The following MAGI1 variants were observed in gnomAD, a reference collection of about 807,000 sequenced individuals.
The protein encoded by MAGI1 is membrane-associated guanylate kinase, WW and PDZ domain-containing protein 1.
A neutral mutation model predicts 139.9 loss-of-function variants in MAGI1; 58 were observed. The ratio of observed to expected loss-of-function variants is 0.41; its 90% confidence interval spans 0.34 to 0.52. The LOEUF is 0.52. Among genes scored for constraint, MAGI1 ranks in the 20% least tolerant of loss-of-function variants. MAGI1 has a pLI of 0.12. For missense variants in MAGI1, 1,874 were observed against 1,901.6 expected, an observed-to-expected ratio of 0.99 and a Z score of 0.27; for synonymous variants, 812 against 737.9, an observed-to-expected ratio of 1.10 and a Z score of -1.63.
At chr3:65,961,482 A>G (rs2064420363) in intron 1 of MAGI1, among the ~76,000 whole-genome samples, 1 of 152,246 alleles carries the variant, frequency 6.6e-6, no homozygotes, top group Non-Finnish European at 1.5e-5. Flanking sequence ...GTCCTCATGT[A>G]AATTAAGGAA....
intron 12 of MAGI1, among the ~76,000 whole-genome samples, chr3:65,415,450 C>G (rs575879365): frequency 6.6e-6 from 1 of 152,198 alleles, no homozygotes; most frequent in African/African-American, 2.4e-5. Context: ...CCTACCCATA[C>G]TTCAGATGAT....
chr3:65,389,234 C>T (rs1308717611), intron 14 of MAGI1, among the ~76,000 whole-genome samples: 4 of 151,484 alleles, frequency 2.6e-5, no homozygotes, highest in Admixed American at 6.6e-5. Context: ...ATTTTTTTTT[C>T]CTAGTGAAAA....
chr3:65,527,011 A>G (rs567709672), intron 2 of MAGI1, among the ~76,000 whole-genome samples: 1 of 152,002 alleles, frequency 6.6e-6, no homozygotes, highest in Admixed American at 6.5e-5. Context: ...GCTTTAAAAA[A>G]CTCTAGAATG....
intron 1 of MAGI1, among the ~76,000 whole-genome samples, chr3:65,646,489 T>A (rs958563291): frequency 6.6e-6 from 1 of 152,126 alleles, no homozygotes; most frequent in South Asian, 2.1e-4. Flanking sequence ...TCTCTCTCAA[T>A]AATTGGTAGA....
At chr3:65,447,889 A>G in intron 7 of MAGI1, 133 bp downstream of exon 7, 1 of 1,032,742 alleles carries the variant, frequency 9.7e-7, no homozygotes, top group Non-Finnish European at 1.5e-6. Flanking sequence ...TTTCCTGGAT[A>G]AGCTAGAATG....
intron 17 of MAGI1, among the ~76,000 whole-genome samples, chr3:65,376,801 C>T (rs936264720): frequency 6.6e-6 from 1 of 152,288 alleles, no homozygotes; most frequent in South Asian, 2.1e-4. Context: ...CTTTAATCAT[C>T]TCCTTTCTCA....
chr3:65,545,015 G>A (rs1428168311), intron 2 of MAGI1, among the ~76,000 whole-genome samples: 1 of 152,128 alleles, frequency 6.6e-6, no homozygotes, highest in Non-Finnish European at 1.5e-5. Context: ...CTTTGGAAAG[G>A]GGCGGGCTGC....
chr3:65,857,035 G>T (rs2108424049), intron 1 of MAGI1, among the ~76,000 whole-genome samples: 1 of 152,330 alleles, frequency 6.6e-6, no homozygotes, highest in East Asian at 1.9e-4. Flanking sequence ...GAGTTGGCCA[G>T]CTCCAACAGA....
chr3:65,723,252 G>C (rs2033246809), intron 1 of MAGI1, among the ~76,000 whole-genome samples: 1 of 152,176 alleles, frequency 6.6e-6, no homozygotes, highest in South Asian at 2.1e-4. Flanking sequence ...CGGAGGAAGT[G>C]TGTGTGTTTA....
chr3:65,738,032 CTT>C (rs970880629), intron 1 of MAGI1, among the ~76,000 whole-genome samples: 12 of 152,174 alleles, frequency 7.9e-5, no homozygotes, highest in African/African-American at 2.9e-4. Context: ...TTTCCTTCCT[CTT>C]TGTGCTAATG....
chr3:65,933,748 A>G (rs962680910), intron 1 of MAGI1, among the ~76,000 whole-genome samples: 2 of 152,222 alleles, frequency 1.3e-5, no homozygotes, highest in African/African-American at 4.8e-5. Flanking sequence ...GGAGTAAAAG[A>G]AGAAAGATAT....
chr3:65,784,122 C>G (rs529487285), intron 1 of MAGI1, among the ~76,000 whole-genome samples: 25 of 147,024 alleles, frequency 1.7e-4, no homozygotes, highest in African/African-American at 6.3e-4. Flanking sequence ...GACTCCATCT[C>G]AAAAAAAAAA....
chr3:65,572,993 G>A (rs1473855094), intron 2 of MAGI1, among the ~76,000 whole-genome samples: 3 of 151,968 alleles, frequency 2.0e-5, no homozygotes, highest in African/African-American at 7.2e-5. Flanking sequence ...AGACTTGCAC[G>A]TATTTTGACA....
At chr3:65,454,672 G>A (rs1178953407) in intron 5 of MAGI1, among the ~76,000 whole-genome samples, 1 of 150,986 alleles carries the variant, frequency 6.6e-6, no homozygotes, top group Admixed American at 6.6e-5. Flanking sequence ...GAGTTGGCAG[G>A]GAAGAGGGTT....
chr3:65,937,875 G>A (rs1368351487), intron 1 of MAGI1, among the ~76,000 whole-genome samples: 1 of 151,864 alleles, frequency 6.6e-6, no homozygotes, highest in East Asian at 1.9e-4. Context: ...AATTAATCAG[G>A]CTATCATTCC....
intron 5 of MAGI1, among the ~76,000 whole-genome samples, chr3:65,455,647 G>A (rs1420962514): frequency 6.6e-6 from 1 of 152,168 alleles, no homozygotes; most frequent in East Asian, 1.9e-4. Context: ...TGAGGTAGCA[G>A]GATCACCTGA....
intron 1 of MAGI1, among the ~76,000 whole-genome samples, chr3:65,642,358 A>G (rs1325799226): frequency 6.6e-6 from 1 of 152,224 alleles, no homozygotes; most frequent in Non-Finnish European, 1.5e-5. Context: ...TTATTCTGCC[A>G]CTGGTCAAAC....
At chr3:65,910,637 C>T (rs1276323629) in intron 1 of MAGI1, among the ~76,000 whole-genome samples, 1 of 152,124 alleles carries the variant, frequency 6.6e-6, no homozygotes, top group Non-Finnish European at 1.5e-5. Context: ...TATTAAAGAA[C>T]TACTTACTTA....
intron 1 of MAGI1, among the ~76,000 whole-genome samples, chr3:65,939,226 T>TA (rs977997028): frequency 1.4e-4 from 22 of 152,026 alleles, no homozygotes; most frequent in Non-Finnish European, 8.8e-5. Context: ...TTCCCTTTTT[T>TA]AAAAAAAATG....
Sources: gnomAD v4.1 joint callset for allele counts (sites outside exome capture counted in the v4.1 genomes callset) on GRCh38, gnomAD v4.1.1 for gene constraint, MANE v1.5 for transcripts, NCBI Gene and HGNC (gene_info 2026-07-23, HGNC 2026-07-21) for gene names.